Variants in KIF13B observed in about 807,000 individuals in gnomAD.
The protein encoded by KIF13B is kinesin-like protein KIF13B.
A neutral mutation model predicts 222.0 loss-of-function variants in KIF13B; 127 were observed. The ratio of observed to expected loss-of-function variants is 0.57; its 90% CI spans 0.50 to 0.66. The LOEUF is 0.66. Ranked by LOEUF, KIF13B falls within the 30% of genes least tolerant of loss-of-function variation. KIF13B has a pLI of 0.00. For missense variants in KIF13B, 2,173 were observed against 2,379.0 expected (o/e 0.91, Z 1.80); for synonymous variants, 976 against 919.0 (o/e 1.06, Z -1.12).
intron 2 of KIF13B, among the ~76,000 whole-genome samples, chr8:29,224,007 CT>C (rs1256284956): frequency 3.6e-5 from 5 of 137,458 alleles, no homozygotes; most frequent in Admixed American, 1.5e-4. Context: ...TTTTTTTTTT[CT>C]TTTTTTTTGA....
intron 37 of KIF13B, among the ~76,000 whole-genome samples, chr8:29,075,896 AG>A (rs1299608892): frequency 6.6e-6 from 1 of 152,218 alleles, no homozygotes; most frequent in Non-Finnish European, 1.5e-5. Flanking sequence ...CAAAGCAAGA[AG>A]ACAGCTGAAG....
intron 2 of KIF13B, among the ~76,000 whole-genome samples, chr8:29,243,791 T>A (rs961755716): frequency 6.6e-6 from 1 of 152,248 alleles, no homozygotes; most frequent in Non-Finnish European, 1.5e-5. Flanking sequence ...TGAAAATTCA[T>A]CAAGCTATAC....
chr8:29,196,408 A>C (rs1011398694), intron 2 of KIF13B, among the ~76,000 whole-genome samples: 1 of 152,246 alleles, frequency 6.6e-6, no homozygotes, highest in African/African-American at 2.4e-5. Context: ...TGCTAATCAC[A>C]GACAACTTGT....
At chr8:29,079,111 A>G (rs891065010) in intron 37 of KIF13B, among the ~76,000 whole-genome samples, 1 of 152,142 alleles carries the variant, frequency 6.6e-6, no homozygotes, top group Non-Finnish European at 1.5e-5. Context: ...AAGGGGACAC[A>G]CCTTGCTTTG....
At chr8:29,120,272 G>A (rs1809804497) in intron 29 of KIF13B, among the ~76,000 whole-genome samples, 1 of 114,208 alleles carries the variant, frequency 8.8e-6, no homozygotes, top group Non-Finnish European at 1.7e-5. Flanking sequence ...CTGGTGCGCT[G>A]CACCCACTAA....
At chr8:29,138,262 G>C (rs1447589183) in intron 21 of KIF13B, among the ~76,000 whole-genome samples, 2 of 152,116 alleles carry the variant, frequency 1.3e-5, no homozygotes, top group Admixed American at 6.5e-5. Flanking sequence ...TTGAACCCAG[G>C]AGGTGGAGGG....
In KIF13B at chr8:29,071,821, C is replaced by T. The variant is rs761642628; in HGVS notation, c.5017G>A (p.Ala1673Thr). 8.6e-5 allele frequency: 132 copies of T among 1,542,790 alleles called. 3 individuals are homozygous for T. The highest frequency in any genetic ancestry group is 2.4e-5 in the East Asian group (1 of 40,864). ...LAGDPGCSPG[A>T]EGNAPAPGAG... ...CCCGGGGCCGGCGCATTCCCCTCGG[C>T]CCCCGGGGAGCAGCCGGGGTCCCCA... Residue 1673 changes from alanine (A) to threonine (T), a missense_variant, in exon 39 of 40, where the codon GCC becomes ACC. Physicochemically the swap from Ala to Thr is moderately conservative, Grantham distance 58 (BLOSUM62 0). Transcript: ENST00000524189. The surrounding 1 kb of genome is among the most constrained non-coding windows in gnomAD (Gnocchi z 4.9).
At position 29,176,171 on chromosome 8, in the gene KIF13B, G is replaced by A. The variant is rs774015920; in HGVS notation, c.842C>T (p.Thr281Ile). 4 of 1,605,110 alleles carry A rather than the reference G, an allele frequency of 2.5e-6. No individual in the cohort carries two copies. In the South Asian group the frequency reaches 4.4e-5, roughly 18 times the overall value. Residue 281 changes from threonine (T) to isoleucine (I), a missense_variant, in exon 10 of 40, where the codon ACA (threonine) becomes ATA (isoleucine). Around this residue, in one of 2 missense-constraint regions of KIF13B, gnomAD observed 1,480 missense variants for 1,722.8 expected, o/e 0.86. Coordinates refer to ENST00000524189, the MANE Select transcript of KIF13B (RefSeq NM_015254.4). ...AGCTGAGATAACCAGACCGAGGGTT[G>A]TGAGGGACCTGCATGGTGCAACAAA... ...KEGSNINKSL[T>I]TLGLVISALA...
chr8:29,080,470 C>T (rs958087686), intron 37 of KIF13B, among the ~76,000 whole-genome samples: 8 of 152,104 alleles, frequency 5.3e-5, no homozygotes, highest in Admixed American at 1.3e-4. Flanking sequence ...GCGGGGAGAA[C>T]GTGTCCAGCC....
At chr8:29,159,758 C>T (rs984793833) in intron 13 of KIF13B, among the ~76,000 whole-genome samples, 3 of 152,318 alleles carry the variant, frequency 2.0e-5, no homozygotes, top group Non-Finnish European at 4.4e-5. Flanking sequence ...TGAAGGTATG[C>T]ATCAAAGACA....
chr8:29,142,483 C>T (rs1302937376), intron 18 of KIF13B, among the ~76,000 whole-genome samples, 180 bp from the exon 19 acceptor site: 2 of 152,190 alleles, frequency 1.3e-5, no homozygotes, highest in African/African-American at 4.8e-5. Flanking sequence ...TACCTTCCTA[C>T]CCAAGTGCAA....
chr8:29,245,403 T>A lies in KIF13B; in HGVS notation c.92A>T (p.Asp31Val). The A allele has an allele frequency of 1.2e-6, 2 of 1,603,070 alleles. No individual in the cohort carries two copies. Among genetic ancestry groups the A allele is most frequent in the Non-Finnish European group, 1.7e-6 (2 of 1,174,128 alleles). The change falls in exon 2 of 40, where the codon GAT (aspartate) becomes GTT (valine). Residue 31 changes from aspartate to valine, a missense_variant. Physicochemically the swap from Asp to Val is radical, Grantham distance 152 (BLOSUM62 -3). Around this residue, in one of 2 missense-constraint regions of KIF13B, gnomAD observed 1,480 missense variants for 1,722.8 expected, o/e 0.86. Coordinates refer to ENST00000524189, the MANE Select transcript of KIF13B (RefSeq NM_015254.4). ...DLHTKCVVDV[D>V]ANKVILNPVN... ...AGGATTAAGAATAACCTTGTTTGCA[T>A]CCACATCCACCACACATTTGGTATG...
intron 15 of KIF13B, among the ~76,000 whole-genome samples, 154 bp from the exon 16 acceptor site, chr8:29,148,921 T>G (rs1346090096): frequency 6.6e-6 from 1 of 152,116 alleles, no homozygotes; most frequent in Non-Finnish European, 1.5e-5. Context: ...GTCGTAGAAA[T>G]AAGACACTCA....
intron 14 of KIF13B, among the ~76,000 whole-genome samples, chr8:29,153,784 A>G (rs972631652): frequency 1.3e-5 from 2 of 151,812 alleles, no homozygotes; most frequent in Admixed American, 6.6e-5. Flanking sequence ...AAAGGTTCCC[A>G]TTCCTCTCAT....
chr8:29,246,941 C>T (rs955305987), intron 1 of KIF13B, among the ~76,000 whole-genome samples: 1 of 152,194 alleles, frequency 6.6e-6, no homozygotes, highest in Admixed American at 6.5e-5. Context: ...ACATTCAAAA[C>T]TCCAAACAGA....
At chr8:29,087,885 G>C (rs1172590838) in intron 37 of KIF13B, among the ~76,000 whole-genome samples, 4 of 151,840 alleles carry the variant, frequency 2.6e-5, no homozygotes, top group Middle Eastern at 6.8e-3. Context: ...CTGGGCAACA[G>C]AGCGAGACCT....
intron 1 of KIF13B, among the ~76,000 whole-genome samples, chr8:29,250,405 T>C (rs754507715): frequency 5.3e-5 from 8 of 152,216 alleles, no homozygotes; most frequent in South Asian, 2.1e-4. Flanking sequence ...ACACCATGCA[T>C]ATCATCAGAT....
Position 29,202,638 on chromosome 8 carries a change from C to A in KIF13B, c.150-6439G>T, listed in dbSNP as rs1217862409. On this transcript the variant is annotated intron_variant, in intron 2 of 39. Transcript: ENST00000524189. ...AGTATAAGAATAATTAACACTGTTT[C>A]AAGAGACAGCCAGTTCCCCTAGCAG... Among the ~76,000 whole-genome samples the A allele has an allele frequency of 3.3e-5, 5 of 152,182 alleles. No homozygotes were observed. The South Asian group carries it at 6.2e-4, about 19-fold the overall frequency.
At chr8:29,084,561 A>G (rs974044205) in intron 37 of KIF13B, among the ~76,000 whole-genome samples, 2 of 152,230 alleles carry the variant, frequency 1.3e-5, no homozygotes, top group Admixed American at 6.5e-5. Context: ...AGGGACAGAC[A>G]CATAAATCAA....
Sources: gnomAD v4.1 joint callset for allele counts (sites outside exome capture counted in the v4.1 genomes callset) on GRCh38, gnomAD v4.1.1 for gene constraint, gnomAD v4.1.1 regional missense constraint, Gnocchi (gnomAD v3.1) non-coding constraint, MANE v1.5 for transcripts, NCBI Gene and HGNC (gene_info 2026-07-23, HGNC 2026-07-21) for gene names.